STRIP1: variants seen among roughly 807,000 people sequenced by gnomAD.
STRIP1 encodes the protein striatin interacting protein 1, also known as striatin-interacting protein 1.
A neutral mutation model predicts 106.2 loss-of-function variants in STRIP1; 63 were observed. That is an observed-to-expected ratio of 0.59 (90% CI 0.48 to 0.73). STRIP1 has a LOEUF of 0.73. STRIP1 is among the 30% of genes least tolerant of loss of function. The pLI is 0.00. For synonymous variants in STRIP1, 390 were observed against 413.0 expected (o/e 0.94, Z 0.67); for missense variants, 857 against 1,074.8 (o/e 0.80, Z 2.83).
rs1652608484 is a variant in STRIP1, at chr1:110,038,613, C to T, written c.251-70C>T. 2.3e-6 allele frequency: 3 copies of T among 1,310,870 alleles called. No individual in the cohort carries two copies. In the Middle Eastern group the frequency reaches 5.5e-4, roughly 240 times the overall value. The allele number at this position is 1,310,870 out of a possible 1,614,324, so 81.2% of individuals were successfully genotyped here. On this transcript the variant is annotated intron_variant, in intron 2 of 20. Transcript: ENST00000369795. The stretch of plus-strand genomic sequence containing the variant: ...AGAGTGGAAGCAAATGCCTTGCCTT[C>T]TCTGCACTTGTGAGACCTGGTGTGC...
chr1:110,035,039 G>C (rs1020610242), intron 1 of STRIP1, among the ~76,000 whole-genome samples: 1 of 152,212 alleles, frequency 6.6e-6, no homozygotes, highest in Non-Finnish European at 1.5e-5. Context: ...AGAGCTTCCC[G>C]TGGCCGGCGA....
chr1:110,038,041 A>G (rs1419590812), intron 2 of STRIP1, 81 bp downstream of exon 2: 5 of 664,338 alleles, frequency 7.5e-6, no homozygotes, highest in Admixed American at 2.1e-5. Flanking sequence ...AATATCATTT[A>G]GGGCTTCATT....
At position 110,043,790 on chromosome 1, in the gene STRIP1, C is replaced by G. The variant is rs775282645; in HGVS notation, c.1220C>G (p.Pro407Arg). ...PLERDEVMPPPLQHPQTDRLT... is the reference protein window; with the variant it reads ...PLERDEVMPPRLQHPQTDRLT... ...GAACGGGATGAAGTGATGCCTCCCCCGCTACAGCACCCACAGACTGACAGG... is the reference window on the plus strand; with the variant it reads ...GAACGGGATGAAGTGATGCCTCCCCGGCTACAGCACCCACAGACTGACAGG... The change falls in exon 10 of 21, where the codon CCG becomes CGG. Residue 407 changes from proline to arginine, a missense_variant. Pro to Arg is a moderately radical substitution (Grantham distance 103). Coordinates refer to ENST00000369795, the MANE Select transcript of STRIP1 (RefSeq NM_033088.4). The G allele has an allele frequency of 6.2e-7, 1 of 1,614,178 alleles. No individual in the cohort carries two copies. The highest frequency in any genetic ancestry group is 1.1e-5 in the South Asian group (1 of 91,088).
chr1:110,038,584 G>A (rs1000966507), intron 2 of STRIP1, 99 bp from the exon 3 acceptor site: 8 of 906,106 alleles, frequency 8.8e-6, no homozygotes, highest in Non-Finnish European at 1.4e-5. Context: ...CAGGGGCAGA[G>A]TTGAGAGTGG....
chr1:110,038,720 GAA>G lies in STRIP1; in HGVS notation c.289_290del (p.Asn97SerfsTer5). ...ACACGGAAGGGCCAGAATTCCTGAT[GAA>G]TCGAAAATGCTTTGAGGAGGACTTC... ...SYTEGPEFLM[N>X]RKCFEEDFRI... On this transcript the variant is annotated frameshift_variant, in exon 3 of 21. Transcript: ENST00000369795. LOFTEE classifies it high-confidence loss of function. The G allele has an allele frequency of 6.2e-7, 1 of 1,614,172 alleles. No individual in the cohort carries two copies. Among genetic ancestry groups the G allele is most frequent in the Non-Finnish European group, 8.5e-7 (1 of 1,180,018 alleles).
At position 110,050,994 on chromosome 1, in the gene STRIP1, C is replaced by G. The variant is rs1317014363; in HGVS notation, c.1995C>G (p.Leu665=). The G allele has an allele frequency of 6.2e-7, 1 of 1,614,044 alleles. No individual in the cohort carries two copies. Among genetic ancestry groups the G allele is most frequent in the Non-Finnish European group, 8.5e-7 (1 of 1,179,860 alleles). The change falls in exon 19 of 21, where the codon CTC becomes CTG. Residue 665 remains leucine (L), a synonymous_variant. Transcript: ENST00000369795. ...GTAACCAATTTTGCTGGAGGAACCT[C>G]TTTTCTTGTATCAATCTGCTTCGGA... ...GDSNQFCWRN[L]FSCINLLRIL...
In STRIP1 at chr1:110,043,645, A is replaced by G; in HGVS notation, c.1075A>G (p.Ile359Val). ...KRGRREHKAL[I>V]KQDNLDAFNE... is the part of the protein sequence containing the mutation. ...CTCCCTTCCCTGGTTTCAGGCTCTG[A>G]TAAAGCAGGACAACCTAGATGCCTT... The change falls in exon 10 of 21, where the codon ATA becomes GTA. Residue 359 changes from isoleucine to valine, a missense_variant. Physicochemically the swap from Ile to Val is conservative, Grantham distance 29. This residue lies in a region of STRIP1 where 750 missense variants were observed against 989.8 expected (regional missense o/e 0.76). Coordinates refer to ENST00000369795, the MANE Select transcript of STRIP1 (RefSeq NM_033088.4). 1 of 1,613,682 alleles carries G rather than the reference A, an allele frequency of 6.2e-7. No homozygotes were observed.
At chr1:110,041,941 A>G in intron 8 of STRIP1, 80 bp downstream of exon 8, 1 of 1,440,744 alleles carries the variant, frequency 6.9e-7, no homozygotes, top group Non-Finnish European at 9.5e-7. Context: ...CCTTTTGAAT[A>G]TTGAATTATG....
rs1652634668 is a variant in STRIP1 at position 110,039,168 on chromosome 1, G to T, written c.326-4G>T. The stretch of plus-strand genomic sequence containing the variant: ...TCAGGTGTAACTGGTTTCTTGCCCT[G>T]CAGTGACAGACAAGAAGTGGACTGA... On this transcript the variant is annotated splice_polypyrimidine_tract_variant and splice_region_variant and intron_variant, in intron 3 of 20. Transcript: ENST00000369795. 1 of 1,613,994 alleles carries T rather than the reference G, an allele frequency of 6.2e-7. No homozygotes were observed. Among genetic ancestry groups the T allele is most frequent in the South Asian group, 1.1e-5 (1 of 91,084 alleles).
In STRIP1 at chr1:110,043,329, A is replaced by C. The variant is rs1570920062; in HGVS notation, c.1068+59A>C. 9 of 1,537,066 alleles carry C rather than the reference A, an allele frequency of 5.9e-6. 1 individual carries two copies. In the East Asian group the frequency reaches 2.0e-4, roughly 35 times the overall value. On this transcript the variant is annotated intron_variant, in intron 9 of 20. Coordinates refer to ENST00000369795, the MANE Select transcript of STRIP1 (RefSeq NM_033088.4). ...GGCCCTCAAGGTGCATGCTTGCAGC[A>C]GCACAGTCCTTGGAGGAGCAGGGCT...
chr1:110,041,971 G>A, intron 8 of STRIP1, 110 bp downstream of exon 8: 2 of 1,282,796 alleles, frequency 1.6e-6, no homozygotes, highest in Non-Finnish European at 1.1e-6. Context: ...AACTGCTTTG[G>A]TAAAAAAAAT....
intron 20 of STRIP1, among the ~76,000 whole-genome samples, chr1:110,052,097 C>T (rs1653327929): frequency 1.3e-5 from 2 of 152,122 alleles, no homozygotes; most frequent in South Asian, 4.1e-4. Flanking sequence ...TGCGATCATC[C>T]CCATCTCTCC....
chr1:110,046,049 C>T (rs1017916396), intron 12 of STRIP1, among the ~76,000 whole-genome samples: 14 of 152,212 alleles, frequency 9.2e-5, no homozygotes, highest in African/African-American at 3.4e-4. Context: ...ACTAAGTGGT[C>T]TCTCTGCAGC....
intron 10 of STRIP1, 138 bp downstream of exon 10, chr1:110,043,994 A>C (rs1250784900): frequency 2.5e-6 from 2 of 803,684 alleles, no homozygotes; most frequent in African/African-American, 1.7e-5. Flanking sequence ...AGGCTCTCTT[A>C]AAGCACCCTG....
At position 110,043,141 on chromosome 1, in the gene STRIP1, C is replaced by T. The variant is rs1478193545; in HGVS notation, c.939C>T (p.Ser313=). ...ELQSMKAEKR[S]ILGLPPLPED... is the part of the protein sequence containing the mutation. ...AGAGCATGAAGGCTGAGAAGCGCAGCATCCTGGGCCTCCCCCCGCTTCCTG... is the reference window on the plus strand; with the variant it reads ...AGAGCATGAAGGCTGAGAAGCGCAGTATCCTGGGCCTCCCCCCGCTTCCTG... The change falls in exon 9 of 21, where the codon AGC becomes AGT. Residue 313 remains serine, a synonymous_variant. Coordinates refer to ENST00000369795, the MANE Select transcript of STRIP1 (RefSeq NM_033088.4). 1 of 1,613,942 alleles carries T rather than the reference C, an allele frequency of 6.2e-7. No individual in the cohort carries two copies. The highest frequency in any genetic ancestry group is 8.5e-7 in the Non-Finnish European group (1 of 1,180,026).
chr1:110,043,940 A>T, intron 10 of STRIP1, 84 bp downstream of exon 10: 1 of 1,270,736 alleles, frequency 7.9e-7, no homozygotes, highest in South Asian at 1.2e-5. Context: ...CTGTGTCACC[A>T]TGTGTGGTCC....
At chr1:110,031,972 G>A (rs976540014), upstream of STRIP1, among the ~76,000 whole-genome samples, 3 of 149,296 alleles carry the variant, frequency 2.0e-5, no homozygotes, top group Admixed American at 6.7e-5. Flanking sequence ...GGGCTCAAAC[G>A]ATCCTCCCAC....
At chr1:110,052,364 C>T (rs1048598918) in intron 20 of STRIP1, among the ~76,000 whole-genome samples, 2 of 152,198 alleles carry the variant, frequency 1.3e-5, no homozygotes, top group Non-Finnish European at 2.9e-5. Flanking sequence ...TGGGCTCAAA[C>T]TATCCTCCTG....
chr1:110,048,027 TC>T (rs1203788223), intron 15 of STRIP1, 158 bp downstream of exon 15: 3 of 647,958 alleles, frequency 4.6e-6, no homozygotes, highest in Non-Finnish European at 8.0e-6. Context: ...TTAAAGAGTT[TC>T]ACTGGTTGGG....
Sources: allele counts gnomAD v4.1 joint callset (sites outside exome capture counted in the v4.1 genomes callset), GRCh38; gene constraint gnomAD v4.1.1; regional missense constraint gnomAD v4.1.1; transcripts MANE v1.5; gene names NCBI Gene and HGNC (gene_info 2026-07-23, HGNC 2026-07-21).